Variants in DCDC1 observed in about 807,000 individuals in gnomAD.
DCDC1 encodes the protein doublecortin domain-containing protein 1.
In DCDC1, 200 loss-of-function variants were observed where a neutral mutation model predicts 178.3. The observed-to-expected ratio is 1.12, with a 90% CI of 1.00 to 1.26. The LOEUF (loss-of-function observed/expected upper bound fraction) is 1.26. DCDC1 is among the 50% of genes most tolerant of loss of function. The probability of loss-of-function intolerance (pLI) is 0.00; values close to 1 mark genes in which losing one functional copy is unlikely to be tolerated. For missense variants in DCDC1, 1,983 were observed against 1,749.2 expected (o/e 1.13, Z -2.38); for synonymous variants, 690 against 604.8 (o/e 1.14, Z -2.07).
chr11:30,913,193 G>C (rs1006626418), intron 27 of DCDC1, among the ~76,000 whole-genome samples: 4 of 152,104 alleles, frequency 2.6e-5, no homozygotes, highest in Non-Finnish European at 5.9e-5. Context: ...AGGCCGAGGA[G>C]GGCGGATCAC....
chr11:31,356,162 C>A (rs368537408), intron 1 of DCDC1, among the ~76,000 whole-genome samples: 14 of 151,602 alleles, frequency 9.2e-5, no homozygotes, highest in African/African-American at 2.4e-4. Context: ...ACAACAACAA[C>A]AAAAAAAGAA....
chr11:31,280,386 C>T (rs961145505), intron 7 of DCDC1, among the ~76,000 whole-genome samples: 1 of 152,186 alleles, frequency 6.6e-6, no homozygotes, highest in Non-Finnish European at 1.5e-5. Flanking sequence ...CATTCACCAT[C>T]TTTGTGAAAA....
intron 6 of DCDC1, among the ~76,000 whole-genome samples, chr11:31,300,742 G>C (rs968103518): frequency 2.0e-5 from 3 of 152,074 alleles, no homozygotes; most frequent in Non-Finnish European, 4.4e-5. Flanking sequence ...AGCATAGGCA[G>C]ACAACTAAGT....
rs142557531 is a variant in DCDC1 at position 30,931,724 on chromosome 11, T to C, written c.2897+47A>G. The C allele has an allele frequency of 3.2e-3, 4,895 of 1,530,572 alleles. 19 individuals carry two copies. Among genetic ancestry groups the C allele is most frequent in the Non-Finnish European group, 3.7e-3 (4,218 of 1,134,756 alleles). 94.8% of individuals were successfully genotyped at this position (1,530,572 alleles called of 1,614,324 possible). A position where few individuals can be genotyped will look rare whatever the true frequency, so the allele number is the denominator to read the frequency against. The stretch of plus-strand genomic sequence containing the variant: ...TCCATAATTAAGAACACAAAATCTG[T>C]ACAAACTAGAAAGTGTATTTAATAA... On this transcript the variant is annotated intron_variant, in intron 22 of 38. Coordinates refer to ENST00000684477, the MANE Select transcript of DCDC1 (RefSeq NM_001387274.1).
intron 15 of DCDC1, among the ~76,000 whole-genome samples, chr11:31,095,220 C>T (rs1487771444): frequency 6.6e-6 from 1 of 152,106 alleles, no homozygotes; most frequent in African/African-American, 2.4e-5. Context: ...CAAGTCTTTG[C>T]TATTGTGAAC....
chr11:30,919,706 G>C (rs1002886276), intron 25 of DCDC1, among the ~76,000 whole-genome samples: 1 of 152,172 alleles, frequency 6.6e-6, no homozygotes, highest in African/African-American at 2.4e-5. Flanking sequence ...AAATGAGGAA[G>C]TTTGGTTCCT....
At chr11:30,896,296 G>A (rs768032719) in intron 34 of DCDC1, among the ~76,000 whole-genome samples, 3 of 152,050 alleles carry the variant, frequency 2.0e-5, no homozygotes, top group Non-Finnish European at 2.9e-5. Flanking sequence ...AACTATTAAT[G>A]AGGCATGCCT....
chr11:31,037,036 C>A (rs1417783991), intron 20 of DCDC1, among the ~76,000 whole-genome samples: 1 of 152,180 alleles, frequency 6.6e-6, no homozygotes, highest in South Asian at 2.1e-4. Flanking sequence ...TAAACTGAAG[C>A]AGCCTGATTA....
intron 18 of DCDC1, among the ~76,000 whole-genome samples, chr11:31,071,179 T>C (rs771093893): frequency 4.6e-5 from 7 of 152,168 alleles, no homozygotes; most frequent in Non-Finnish European, 7.3e-5. Flanking sequence ...ATTAACAACA[T>C]TACAATTTTT....
chr11:31,231,168 G>T (rs1591487419), intron 9 of DCDC1, among the ~76,000 whole-genome samples: 1 of 151,928 alleles, frequency 6.6e-6, no homozygotes, highest in Non-Finnish European at 1.5e-5. Flanking sequence ...TCCCTATGTT[G>T]CCCAGGATGG....
At chr11:31,244,826 G>A (rs922796241) in intron 8 of DCDC1, among the ~76,000 whole-genome samples, 3 of 151,646 alleles carry the variant, frequency 2.0e-5, no homozygotes, top group African/African-American at 7.3e-5. Context: ...TTCATCTCAA[G>A]TTATGACTAT....
chr11:31,168,443 C>T (rs1591290334), intron 9 of DCDC1, among the ~76,000 whole-genome samples: 1 of 152,114 alleles, frequency 6.6e-6, no homozygotes, highest in African/African-American at 2.4e-5. Context: ...AGTACAGGCC[C>T]GTTAAAGACA....
intron 20 of DCDC1, among the ~76,000 whole-genome samples, chr11:31,053,780 G>A (rs1252649932): frequency 6.6e-6 from 1 of 152,094 alleles, no homozygotes; most frequent in Non-Finnish European, 1.5e-5. Flanking sequence ...ATCCCTTTAT[G>A]ATTAAAACTC....
chr11:31,212,806 T>A (rs1307523595), intron 9 of DCDC1, among the ~76,000 whole-genome samples: 3 of 152,222 alleles, frequency 2.0e-5, no homozygotes, highest in Non-Finnish European at 4.4e-5. Flanking sequence ...TATTCAGTAT[T>A]ACTAGCAAAA....
At chr11:31,360,055 T>C (rs1246385309) in intron 1 of DCDC1, among the ~76,000 whole-genome samples, 1 of 152,242 alleles carries the variant, frequency 6.6e-6, no homozygotes, top group Non-Finnish European at 1.5e-5. Flanking sequence ...AAAATGTTAG[T>C]TCCTATTTTT....
chr11:31,207,343 A>G (rs1971974542), intron 9 of DCDC1, among the ~76,000 whole-genome samples: 1 of 152,238 alleles, frequency 6.6e-6, no homozygotes, highest in Non-Finnish European at 1.5e-5. Flanking sequence ...AAAACATACA[A>G]GACATAAAAC....
intron 2 of DCDC1, among the ~76,000 whole-genome samples, chr11:31,334,200 A>G (rs1306960947): frequency 1.3e-5 from 2 of 152,160 alleles, no homozygotes; most frequent in African/African-American, 4.8e-5. Context: ...TGCGTCACAT[A>G]GTTCTTGTGC....
At chr11:31,334,521 T>C (rs1229025026) in intron 2 of DCDC1, among the ~76,000 whole-genome samples, 4 of 152,234 alleles carry the variant, frequency 2.6e-5, no homozygotes, top group Non-Finnish European at 4.4e-5. Flanking sequence ...TGTGGTTTTA[T>C]CTACCTTTGG....
At chr11:30,940,486 C>T (rs1947565272) in intron 21 of DCDC1, among the ~76,000 whole-genome samples, 1 of 152,174 alleles carries the variant, frequency 6.6e-6, no homozygotes, top group South Asian at 2.1e-4. Flanking sequence ...TGAAACTGAT[C>T]TCCTATCTCC....
Sources: allele counts gnomAD v4.1 joint callset (sites outside exome capture counted in the v4.1 genomes callset), GRCh38; gene constraint gnomAD v4.1.1; transcripts MANE v1.5; gene names NCBI Gene and HGNC (gene_info 2026-07-23, HGNC 2026-07-21).